The following CCDC73 variants were observed in gnomAD, a reference collection of about 807,000 sequenced individuals.
The protein encoded by CCDC73 is coiled-coil domain containing 73, also known as coiled-coil domain-containing protein 73.
In CCDC73, 95 loss-of-function variants were observed where a neutral mutation model predicts 116.5. The observed-to-expected ratio is 0.82, with a 90% CI of 0.69 to 0.97. CCDC73 has a LOEUF of 0.97. Among genes scored for constraint, CCDC73 ranks in the 50% least tolerant of loss-of-function variants. The pLI is 0.00. For synonymous variants in CCDC73, 398 were observed against 401.3 expected (o/e 0.99, Z 0.10); for missense variants, 1,066 against 1,206.8 (o/e 0.88, Z 1.73).
intron 2 of CCDC73, among the ~76,000 whole-genome samples, chr11:32,733,944 A>G (rs1028887220): frequency 3.3e-5 from 5 of 150,804 alleles, no homozygotes; most frequent in South Asian, 4.1e-4. Flanking sequence ...GTAGATAGAG[A>G]CACAAAAAAA....
At chr11:32,821,354 CA>C in the CCDC73 span, among the ~76,000 whole-genome samples, 5 of 152,100 alleles carry the variant, frequency 3.3e-5, no homozygotes, top group African/African-American at 4.8e-5. Context: ...CAACTTAAGA[CA>C]ACAAAATTTC....
chr11:32,654,044 A>C lies in CCDC73; in HGVS notation c.775-7T>G. 2 of 1,584,246 alleles carry C rather than the reference A, an allele frequency of 1.3e-6. No individual in the cohort carries two copies. The highest frequency in any genetic ancestry group is 2.3e-5 in the South Asian group (2 of 87,018). On this transcript the variant is annotated splice_polypyrimidine_tract_variant and splice_region_variant and intron_variant, in intron 10 of 17. Coordinates refer to ENST00000335185, the MANE Select transcript of CCDC73 (RefSeq NM_001008391.4). The stretch of plus-strand genomic sequence containing the variant: ...TCTCATTTAATTCCAATTCCTTTAA[A>C]ATTTGAATAGTTTTAAAGTTATGAT...
At chr11:32,605,853 C>CT (rs2133211252) in intron 17 of CCDC73, 1 of 152,290 alleles carries the variant, frequency 6.6e-6, no homozygotes, top group Non-Finnish European at 1.5e-5. Context: ...CTTTCGTCTC[C>CT]TATCCTTTTT....
At position 32,676,071 on chromosome 11, in the gene CCDC73, G is replaced by A. The variant is rs762154458; in HGVS notation, c.430-50C>T. On this transcript the variant is annotated intron_variant, in intron 7 of 17. Transcript: ENST00000335185. ...GTTATACATATAACACACACACATC[G>A]CCACACACAACAAATATGTAAAATA... The A allele has an allele frequency of 2.1e-5, 30 of 1,406,558 alleles. No homozygotes were observed. The Admixed American group carries it at 2.4e-4, about 11-fold the overall frequency. The allele number at this position is 1,406,558 out of a possible 1,614,324, so 87.1% of individuals were successfully genotyped here.
intron 6 of CCDC73, among the ~76,000 whole-genome samples, chr11:32,693,038 A>T (rs1317516613): frequency 6.6e-6 from 1 of 152,236 alleles, no homozygotes; most frequent in Non-Finnish European, 1.5e-5. Flanking sequence ...ACACATTGAA[A>T]GAATTCACTA....
At chr11:32,623,036 T>C (rs2133229776) in intron 14 of CCDC73, among the ~76,000 whole-genome samples, 1 of 152,214 alleles carries the variant, frequency 6.6e-6, no homozygotes, top group South Asian at 2.1e-4. Context: ...TGAGATGGAG[T>C]TTCGCTCTTT....
At chr11:32,808,204 A>AG in the CCDC73 span, among the ~76,000 whole-genome samples, 2 of 152,228 alleles carry the variant, frequency 1.3e-5, no homozygotes, top group African/African-American at 4.8e-5. Flanking sequence ...GATGTGTGGG[A>AG]GAAAAAGTCA....
chr11:32,796,283 T>C (rs1850727503), upstream of CCDC73, among the ~76,000 whole-genome samples: 2 of 152,250 alleles, frequency 1.3e-5, no homozygotes, highest in African/African-American at 4.8e-5. Flanking sequence ...GCACAATGCC[T>C]GGCATGTAAA....
chr11:32,742,277 G>A (rs374045081), intron 2 of CCDC73, among the ~76,000 whole-genome samples: 7 of 149,284 alleles, frequency 4.7e-5, no homozygotes, highest in African/African-American at 1.7e-4. Context: ...TCCCACCAAC[G>A]TGAAAGCATT....
rs57643752 is a variant in CCDC73 at position 32,620,610 on chromosome 11, CAA to C, written c.1186-4483_1186-4482del. ...TGGGCCACAGAGCGAGACTCAGTCT[CAA>C]AAAAAAAAAAAAAAAAAAAAAGAAG... On this transcript the variant is annotated intron_variant, in intron 14 of 17. Transcript: ENST00000335185. Among the ~76,000 whole-genome samples, 267 of 61,310 alleles carry C rather than the reference CAA, an allele frequency of 4.4e-3. 1 individual carries two copies. Among genetic ancestry groups the C allele is most frequent in the African/African-American group, 0.017 (240 of 14,316 alleles). 40.2% of individuals were successfully genotyped at this position (61,310 alleles called of 152,430 possible). A position where few individuals can be genotyped will look rare whatever the true frequency, so the allele number is the denominator to read the frequency against.
intron 3 of CCDC73, among the ~76,000 whole-genome samples, chr11:32,717,258 C>T (rs1057482330): frequency 1.3e-5 from 2 of 152,186 alleles, no homozygotes; most frequent in African/African-American, 4.8e-5. Context: ...TAAGATTACT[C>T]TGATGGAACA....
At chr11:32,702,168 T>TA (rs1849819810) in intron 4 of CCDC73, among the ~76,000 whole-genome samples, 2 of 152,082 alleles carry the variant, frequency 1.3e-5, no homozygotes, top group African/African-American at 4.8e-5. Flanking sequence ...AAGATGAAGA[T>TA]AAAAATAGGA....
chr11:32,737,231 CTGTG>C (rs200606807), intron 2 of CCDC73, among the ~76,000 whole-genome samples: 29,725 of 137,494 alleles, frequency 0.22, 3,486 homozygotes, highest in East Asian at 0.55. Flanking sequence ...CATAGTAGGG[CTGTG>C]TGTGTGTGTG....
chr11:32,758,432 A>T, intron 2 of CCDC73: 1 of 482,168 alleles, frequency 2.1e-6, no homozygotes, highest in East Asian at 5.5e-5. Flanking sequence ...GATTTCAAGG[A>T]GTTTGTGCTG....
chr11:32,620,441 C>G (rs71479171), intron 14 of CCDC73, among the ~76,000 whole-genome samples: 1 of 151,684 alleles, frequency 6.6e-6, no homozygotes, highest in Non-Finnish European at 1.5e-5. Context: ...AACCCCGTTT[C>G]TACTAAAAAT....
At chr11:32,713,243 C>CAG (rs945348697) in intron 3 of CCDC73, among the ~76,000 whole-genome samples, 6 of 152,036 alleles carry the variant, frequency 3.9e-5, no homozygotes, top group Non-Finnish European at 5.9e-5. Context: ...GACTCCTTAC[C>CAG]AGAGGTTAAA....
intron 2 of CCDC73, among the ~76,000 whole-genome samples, chr11:32,727,387 G>A (rs1344312940): frequency 6.6e-6 from 1 of 152,094 alleles, no homozygotes; most frequent in Non-Finnish European, 1.5e-5. Flanking sequence ...GGGTGTTGGG[G>A]CATAGAATTA....
At chr11:32,766,518 G>T (rs1009568669) in intron 1 of CCDC73, among the ~76,000 whole-genome samples, 5 of 152,180 alleles carry the variant, frequency 3.3e-5, no homozygotes, top group African/African-American at 1.2e-4. Flanking sequence ...AAGTCAAATT[G>T]TCCCTGTTTG....
intron 1 of CCDC73, among the ~76,000 whole-genome samples, chr11:32,788,179 G>A (rs1241615789): frequency 6.6e-6 from 1 of 152,110 alleles, no homozygotes; most frequent in Non-Finnish European, 1.5e-5. Flanking sequence ...ATACTGAATT[G>A]AATAGATCAC....
Sources: gnomAD v4.1 joint callset for allele counts (sites outside exome capture counted in the v4.1 genomes callset) on GRCh38, gnomAD v4.1.1 for gene constraint, MANE v1.5 for transcripts, NCBI Gene and HGNC (gene_info 2026-07-23, HGNC 2026-07-21) for gene names.